Variants in SYN3 observed in about 807,000 individuals in gnomAD.
SYN3 encodes the protein synapsin III.
A neutral mutation model predicts 65.8 loss-of-function variants in SYN3; 35 were observed. The observed-to-expected ratio is 0.53, with a 90% CI of 0.41 to 0.70. The LOEUF is 0.70. SYN3 is among the 30% of genes least tolerant of loss of function. The probability of loss-of-function intolerance (pLI) is 0.00; values close to 1 mark genes in which losing one functional copy is unlikely to be tolerated. For synonymous variants in SYN3, 270 were observed against 292.9 expected (o/e 0.92, Z 0.80); for missense variants, 680 against 749.0 (o/e 0.91, Z 1.08).
chr22:32,595,379 T>A (rs2059184673), intron 7 of SYN3, among the ~76,000 whole-genome samples: 1 of 152,190 alleles, frequency 6.6e-6, no homozygotes, highest in Non-Finnish European at 1.5e-5. Context: ...AACTCCTGGA[T>A]CCAGCTCTGC....
chr22:32,746,536 G>A (rs980697967), intron 6 of SYN3, among the ~76,000 whole-genome samples: 2 of 152,196 alleles, frequency 1.3e-5, no homozygotes, highest in Admixed American at 1.3e-4. Context: ...ACCATGGGAT[G>A]AAGGCTTTCA....
At chr22:32,575,377 G>C (rs2146454025) in intron 7 of SYN3, among the ~76,000 whole-genome samples, 1 of 152,254 alleles carries the variant, frequency 6.6e-6, no homozygotes, top group South Asian at 2.1e-4. Flanking sequence ...GGCAAGAAGA[G>C]AAGGACCATG....
At chr22:32,969,049 T>C (rs1297571127) in intron 3 of SYN3, among the ~76,000 whole-genome samples, 2 of 152,188 alleles carry the variant, frequency 1.3e-5, no homozygotes, top group African/African-American at 4.8e-5. Context: ...CATTTATCAA[T>C]GGTACTAACA....
At position 32,890,827 on chromosome 22, in the gene SYN3, C is replaced by T. The variant is rs117284148; in HGVS notation, c.462-21702G>A. 7.8e-4 allele frequency among the ~76,000 whole-genome samples: 119 copies of T among 152,126 alleles called. 1 individual carries two copies. In the East Asian group the frequency reaches 0.02, roughly 25 times the overall value. On this transcript the variant is annotated intron_variant, in intron 4 of 13. Transcript: ENST00000358763. ...TATATATAGAGAGAGAGAGAGCTTC[C>T]CTTGTGTCTCCTGGGATGGATGCTC...
intron 6 of SYN3, among the ~76,000 whole-genome samples, chr22:32,688,792 C>T (rs1471180507): frequency 6.6e-6 from 1 of 152,104 alleles, no homozygotes; most frequent in African/African-American, 2.4e-5. Context: ...GCCTCCCATG[C>T]TGGGCTGTGT....
At chr22:32,637,647 T>C (rs2059836811) in intron 6 of SYN3, among the ~76,000 whole-genome samples, 1 of 122,414 alleles carries the variant, frequency 8.2e-6, no homozygotes, top group Admixed American at 7.9e-5. Flanking sequence ...TTTTTTTTTT[T>C]TTTTTTTTGA....
chr22:32,814,268 GGAGGGAGA>G (rs1306151757), intron 6 of SYN3, among the ~76,000 whole-genome samples: 23 of 49,810 alleles, frequency 4.6e-4, no homozygotes, highest in South Asian at 1.8e-3. Context: ...AAAGAGGGAG[GGAGGGAGA>G]GAGGGAGAGA....
intron 3 of SYN3, 90 bp downstream of exon 3, chr22:32,980,555 A>G (rs1438990322): frequency 6.7e-6 from 8 of 1,198,714 alleles, no homozygotes; most frequent in Non-Finnish European, 9.9e-6. Context: ...CATTATGACC[A>G]CATAAGATGG....
rs981727170 is a variant in SYN3, at chr22:32,532,965, T to C, written c.1095+828A>G. ...TTCAGGGGAAAGCAGTGGAGAGCCATGGGACATGGAGTGGGGGGGCAGGGA... is the reference window on the plus strand; with the variant it reads ...TTCAGGGGAAAGCAGTGGAGAGCCACGGGACATGGAGTGGGGGGGCAGGGA... On this transcript the variant is annotated intron_variant, in intron 10 of 13. Coordinates refer to ENST00000358763, the MANE Select transcript of SYN3 (RefSeq NM_003490.4). Among the ~76,000 whole-genome samples the C allele has an allele frequency of 1.7e-4, 21 of 127,172 alleles. 1 individual carries two copies. The highest frequency in any genetic ancestry group is 1.2e-3 in the Admixed American group (14 of 12,154). The allele number at this position is 127,172 out of a possible 152,430, so 83.4% of individuals were successfully genotyped here.
chr22:33,010,950 T>C (rs2053335952), intron 1 of SYN3, among the ~76,000 whole-genome samples: 1 of 152,242 alleles, frequency 6.6e-6, no homozygotes, highest in African/African-American at 2.4e-5. Flanking sequence ...TATACTGACA[T>C]GCTCAATTCA....
At chr22:32,746,695 G>A (rs932778559) in intron 6 of SYN3, among the ~76,000 whole-genome samples, 2 of 152,210 alleles carry the variant, frequency 1.3e-5, no homozygotes, top group African/African-American at 2.4e-5. Context: ...TTGTCTGTGA[G>A]ATGACTGTTT....
At chr22:32,972,045 C>A (rs2146942140) in intron 3 of SYN3, among the ~76,000 whole-genome samples, 1 of 152,244 alleles carries the variant, frequency 6.6e-6, no homozygotes, top group East Asian at 1.9e-4. Flanking sequence ...GAGATGTGAC[C>A]TTGGAAGAGG....
chr22:32,719,215 A>C (rs1171991426), intron 6 of SYN3, among the ~76,000 whole-genome samples: 1 of 152,226 alleles, frequency 6.6e-6, no homozygotes, highest in Admixed American at 6.5e-5. Context: ...ATAGGACTTC[A>C]CCAACGGTAA....
intron 6 of SYN3, among the ~76,000 whole-genome samples, chr22:32,771,152 T>C (rs1332244612): frequency 6.6e-6 from 1 of 152,124 alleles, no homozygotes; most frequent in African/African-American, 2.4e-5. Context: ...GGTGACAACA[T>C]GTAGTGTTTG....
intron 6 of SYN3, among the ~76,000 whole-genome samples, chr22:32,764,864 A>T (rs1156809277): frequency 1.3e-5 from 2 of 152,136 alleles, no homozygotes; most frequent in Non-Finnish European, 2.9e-5. Context: ...ATTCTGATTC[A>T]TGGACATTCT....
intron 7 of SYN3, among the ~76,000 whole-genome samples, chr22:32,574,144 G>A (rs1015183324): frequency 1.3e-5 from 2 of 151,812 alleles, no homozygotes; most frequent in African/African-American, 4.8e-5. Flanking sequence ...GATGAGGAAA[G>A]AAGTGAAAGT....
At chr22:33,057,620 C>G (rs2054275666) in intron 1 of SYN3, 1 of 152,574 alleles carries the variant, frequency 6.6e-6, no homozygotes, top group Non-Finnish European at 1.5e-5. Flanking sequence ...AATTGCTCCT[C>G]CTACTGTCCC....
chr22:32,519,851 G>A (rs1480883511), intron 12 of SYN3, among the ~76,000 whole-genome samples: 3 of 152,140 alleles, frequency 2.0e-5, no homozygotes, highest in Admixed American at 6.5e-5. Context: ...CCGTAGGCAC[G>A]TTAGGAGACT....
chr22:32,678,053 C>G (rs2060470987), intron 6 of SYN3, among the ~76,000 whole-genome samples: 1 of 152,114 alleles, frequency 6.6e-6, no homozygotes. Flanking sequence ...GCAGGAAGTT[C>G]CCAGGAGCTG....
Sources: allele counts gnomAD v4.1 joint callset (sites outside exome capture counted in the v4.1 genomes callset), GRCh38; gene constraint gnomAD v4.1.1; transcripts MANE v1.5; gene names NCBI Gene and HGNC (gene_info 2026-07-23, HGNC 2026-07-21).